Variants in MYOM2 observed in about 807,000 individuals in gnomAD.
MYOM2 encodes the protein myomesin 2.
In MYOM2, 254 loss-of-function variants were observed where a neutral mutation model predicts 187.6. The ratio of observed to expected loss-of-function variants is 1.35; its 90% confidence interval spans 1.22 to 1.50. The LOEUF (loss-of-function observed/expected upper bound fraction) is 1.50. Ranked by LOEUF, MYOM2 falls within the 40% of genes most tolerant of loss-of-function variation. The pLI is 0.00. For synonymous variants in MYOM2, 981 were observed against 753.8 expected (o/e 1.30, Z -4.94); for missense variants, 2,796 against 1,924.0 (o/e 1.45, Z -8.48).
At chr8:2,106,721 G>A in intron 23 of MYOM2, 124 bp downstream of exon 23, 1 of 697,380 alleles carries the variant, frequency 1.4e-6, no homozygotes, top group South Asian at 2.1e-5. Context: ...GCTGGCGGTG[G>A]GGGCTATGTA....
intron 25 of MYOM2, among the ~76,000 whole-genome samples, chr8:2,115,638 G>A (rs185652362): frequency 4.1e-4 from 63 of 152,246 alleles, no homozygotes; most frequent in Non-Finnish European, 7.2e-4. Context: ...TATCAATTGC[G>A]TATCATTTTA....
At chr8:2,118,046 T>C (rs1306970172) in intron 28 of MYOM2, 94 bp downstream of exon 28, 22 of 1,125,750 alleles carry the variant, frequency 2.0e-5, no homozygotes, top group Non-Finnish European at 2.8e-5. Context: ...AGATCTGTGA[T>C]GCTGGTGAGG....
intron 32 of MYOM2, among the ~76,000 whole-genome samples, chr8:2,138,723 G>A (rs940066850): frequency 2.6e-5 from 4 of 151,798 alleles, no homozygotes; most frequent in African/African-American, 7.3e-5. Context: ...TTCCAAAGTC[G>A]CTTCAGTAGA....
chr8:2,089,154 C>A (rs547183100), intron 14 of MYOM2, among the ~76,000 whole-genome samples: 2 of 48,522 alleles, frequency 4.1e-5, no homozygotes, highest in East Asian at 7.6e-4. Flanking sequence ...GTATATCCAA[C>A]TTTTACTACC....
At chr8:2,097,034 A>G in intron 18 of MYOM2, 1 of 749,758 alleles carries the variant, frequency 1.3e-6, no homozygotes, top group Non-Finnish European at 1.6e-6. Flanking sequence ...TCATCTGAGC[A>G]TAGATGAATG....
intron 18 of MYOM2, among the ~76,000 whole-genome samples, chr8:2,098,627 A>G (rs1005504182): frequency 2.0e-5 from 3 of 152,144 alleles, no homozygotes; most frequent in African/African-American, 7.2e-5. Context: ...TGAAGGACTC[A>G]ATCACTTTGG....
At chr8:2,048,830 C>T (rs1265574373) in intron 1 of MYOM2, among the ~76,000 whole-genome samples, 1 of 151,300 alleles carries the variant, frequency 6.6e-6, no homozygotes, top group Non-Finnish European at 1.5e-5. Context: ...CGCTCTGTCA[C>T]CCAGGCTGGA....
intron 18 of MYOM2, chr8:2,098,079 A>G (rs1161068474): frequency 6.6e-6 from 1 of 152,242 alleles, no homozygotes; most frequent in Non-Finnish European, 1.5e-5. Context: ...TCAGCACAAC[A>G]GTTCTTTACT....
At chr8:2,055,406 C>T (rs949160232) in intron 3 of MYOM2, among the ~76,000 whole-genome samples, 1 of 152,236 alleles carries the variant, frequency 6.6e-6, no homozygotes, top group Admixed American at 6.5e-5. Context: ...GAAGCCAGCC[C>T]ATTAGAGGTT....
chr8:2,106,267 C>A lies in MYOM2; in HGVS notation c.2760C>A (p.Val920=). The stretch of plus-strand genomic sequence containing the variant: ...GCACCAAGGAAATCAGTGCTGGTGT[C>A]GATGAACAAGGCAACATCTATCTGG... The part of the protein sequence containing the change: ...RPGTKEISAG[V]DEQGNIYLGF... The change falls in exon 22 of 37, where the codon GTC becomes GTA. Residue 920 remains valine (V), a synonymous_variant. Transcript: ENST00000262113. The A allele has an allele frequency of 6.2e-7, 1 of 1,614,096 alleles. No homozygotes were observed. Among genetic ancestry groups the A allele is most frequent in the South Asian group, 1.1e-5 (1 of 91,074 alleles).
intron 14 of MYOM2, among the ~76,000 whole-genome samples, chr8:2,089,641 T>A (rs1356533484): frequency 6.6e-6 from 1 of 152,192 alleles, no homozygotes; most frequent in African/African-American, 2.4e-5. Flanking sequence ...AACCACTGAG[T>A]TATGACAGAA....
Position 2,057,775 on chromosome 8 carries a change from G to A in MYOM2, c.555G>A (p.Val185=), listed in dbSNP as rs1390119821. 1.2e-6 allele frequency: 2 copies of A among 1,614,056 alleles called. No individual in the cohort carries two copies. Among genetic ancestry groups the A allele is most frequent in the Non-Finnish European group, 8.5e-7 (1 of 1,179,974 alleles). Reference sequence around the variant, plus strand: ...TGCAAGGATTTCCCACGCCCGTGGTGCAGTGGTGAGGGGCTCTGTTCCCAG... The same window carrying A: ...TGCAAGGATTTCCCACGCCCGTGGTACAGTGGTGAGGGGCTCTGTTCCCAG... ...FTVQGFPTPV[V]QWYKDGSLIC... Residue 185 remains valine, a synonymous_variant, in exon 5 of 37, where the codon GTG becomes GTA. Coordinates refer to ENST00000262113, the MANE Select transcript of MYOM2 (RefSeq NM_003970.4).
In MYOM2 at chr8:2,076,125, C is replaced by T. The variant is rs1293137328; in HGVS notation, c.1121-16C>T. ...TTTAAATGACAGGCGTGTGCCTTTT[C>T]TCTCCCTGCCCCAAGATGCTGACCC... is the stretch of plus-strand genomic sequence containing the variant. On this transcript the variant is annotated splice_polypyrimidine_tract_variant and intron_variant, in intron 10 of 36. Coordinates refer to ENST00000262113, the MANE Select transcript of MYOM2 (RefSeq NM_003970.4). The T allele has an allele frequency of 5.6e-6, 9 of 1,606,710 alleles. No homozygotes were observed. The highest frequency in any genetic ancestry group is 5.1e-5 in the Admixed American group (3 of 59,308).
Position 2,079,435 on chromosome 8 carries a change from C to T in MYOM2, c.1463-125C>T. ...CACTTCCAGAATCAGCTCTGATGCCCCCAGAGGACTCACAGGTTGTAGTCC... is the reference window on the plus strand; with the variant it reads ...CACTTCCAGAATCAGCTCTGATGCCTCCAGAGGACTCACAGGTTGTAGTCC... On this transcript the variant is annotated intron_variant, in intron 12 of 36. Transcript: ENST00000262113. 8 of 893,360 alleles carry T rather than the reference C, an allele frequency of 9.0e-6. No individual in the cohort carries two copies. The South Asian group carries it at 1.1e-4, about 12-fold the overall frequency. The allele number at this position is 893,360 out of a possible 1,614,324, so 55.3% of individuals were successfully genotyped here. A position where few individuals can be genotyped will look rare whatever the true frequency, so the allele number is the denominator to read the frequency against.
intron 27 of MYOM2, 120 bp from the exon 28 acceptor site, chr8:2,117,765 T>A: frequency 1.8e-6 from 1 of 566,168 alleles, no homozygotes; most frequent in South Asian, 3.2e-5. Flanking sequence ...TATAATACAT[T>A]CTTATGTATT....
intron 25 of MYOM2, among the ~76,000 whole-genome samples, chr8:2,113,464 C>T (rs1797134252): frequency 6.6e-6 from 1 of 152,142 alleles, no homozygotes; most frequent in African/African-American, 2.4e-5. Flanking sequence ...CCAGATGCTG[C>T]CTGGGGTGGG....
At position 2,059,817 on chromosome 8, in the gene MYOM2, A is replaced by G. The variant is rs532270312; in HGVS notation, c.653+572A>G. ...GAGTGCAATGGCATGGTCTCGGCTC[A>G]CCACAACCTCCACTTCCCAGGATCA... On this transcript the variant is annotated intron_variant, in intron 6 of 36. Coordinates refer to ENST00000262113, the MANE Select transcript of MYOM2 (RefSeq NM_003970.4). Among the ~76,000 whole-genome samples, 16 of 145,792 alleles carry G rather than the reference A, an allele frequency of 1.1e-4. No individual in the cohort carries two copies. In the East Asian group the frequency reaches 3.2e-3, roughly 29 times the overall value.
intron 6 of MYOM2, 96 bp from the exon 7 acceptor site, chr8:2,069,182 A>G (rs1315950715): frequency 1.7e-6 from 2 of 1,174,844 alleles, no homozygotes; most frequent in African/African-American, 3.1e-5. Context: ...AAACCACGCC[A>G]TGTGATTTGC....
intron 6 of MYOM2, among the ~76,000 whole-genome samples, chr8:2,060,326 A>G (rs952615447): frequency 1.3e-5 from 2 of 152,188 alleles, no homozygotes; most frequent in African/African-American, 4.8e-5. Context: ...ACAATTATCA[A>G]GAGACAGATA....
Sources: gnomAD v4.1 joint callset for allele counts (sites outside exome capture counted in the v4.1 genomes callset) on GRCh38, gnomAD v4.1.1 for gene constraint, MANE v1.5 for transcripts, NCBI Gene and HGNC (gene_info 2026-07-23, HGNC 2026-07-21) for gene names.